CACNA2D3: variants seen among roughly 807,000 people sequenced by gnomAD.
CACNA2D3 encodes the protein voltage-dependent calcium channel subunit alpha-2/delta-3.
A neutral mutation model predicts 160.6 loss-of-function variants in CACNA2D3; 60 were observed. That is an observed-to-expected ratio of 0.37 (90% CI 0.30 to 0.46). The LOEUF (loss-of-function observed/expected upper bound fraction) is 0.46, where lower values mean the gene tolerates loss of function less well. Ranked by LOEUF, CACNA2D3 falls within the 20% of genes least tolerant of loss-of-function variation. CACNA2D3 has a pLI of 1.00. For missense variants in CACNA2D3, 1,205 were observed against 1,365.0 expected (o/e 0.88, Z 1.85); for synonymous variants, 558 against 492.9 (o/e 1.13, Z -1.75).
In CACNA2D3 at chr3:54,383,096, C is replaced by A. The variant is rs751784969; in HGVS notation, c.322-3619C>A. ...GTCCTGGGCTCATACGATCCGCCCC[C>A]CTTGGCCTCCCAAAGTGCTGGGATT... On this transcript the variant is annotated intron_variant, in intron 3 of 37. Coordinates refer to ENST00000474759, the MANE Select transcript of CACNA2D3 (RefSeq NM_018398.3). Among the ~76,000 whole-genome samples the A allele has an allele frequency of 2.0e-5, 3 of 152,166 alleles. No individual in the cohort carries two copies. The East Asian group carries it at 5.8e-4, about 29-fold the overall frequency.
At chr3:55,051,785 A>C (rs1704224228) in intron 35 of CACNA2D3, among the ~76,000 whole-genome samples, 1 of 152,076 alleles carries the variant, frequency 6.6e-6, no homozygotes, top group Admixed American at 6.5e-5. Flanking sequence ...CCTCCGAGCC[A>C]GGTGTGGGAT....
At chr3:54,920,631 A>G (rs9815947) in intron 27 of CACNA2D3, among the ~76,000 whole-genome samples, 94,688 of 152,020 alleles carry the variant, frequency 0.62, 29,723 homozygotes, top group East Asian at 0.77. Flanking sequence ...GCACCTGACC[A>G]TAGGAGCCTC....
At chr3:54,232,829 G>T (rs1210885845) in intron 2 of CACNA2D3, among the ~76,000 whole-genome samples, 1 of 152,170 alleles carries the variant, frequency 6.6e-6, no homozygotes, top group Non-Finnish European at 1.5e-5. Context: ...TGTAAACTGT[G>T]CCCTTATTGT....
At chr3:54,518,255 A>G (rs1701586038) in intron 5 of CACNA2D3, among the ~76,000 whole-genome samples, 6 of 152,080 alleles carry the variant, frequency 3.9e-5, no homozygotes, top group Admixed American at 3.9e-4. Flanking sequence ...AAGTTAGCCA[A>G]CTCCTGTGAG....
At chr3:54,166,828 AC>A (rs1247755408) in intron 2 of CACNA2D3, among the ~76,000 whole-genome samples, 6 of 152,364 alleles carry the variant, frequency 3.9e-5, no homozygotes, top group African/African-American at 1.4e-4. Flanking sequence ...AAGATTGCAG[AC>A]TTCATGGTCT....
At chr3:54,326,757 T>C (rs989348079) in intron 3 of CACNA2D3, among the ~76,000 whole-genome samples, 29 of 152,200 alleles carry the variant, frequency 1.9e-4, no homozygotes, top group African/African-American at 6.5e-4. Context: ...TATATGGCTG[T>C]ATAGATCTAA....
intron 2 of CACNA2D3, among the ~76,000 whole-genome samples, chr3:54,316,501 A>T (rs539792075): frequency 1.1e-4 from 17 of 152,300 alleles, no homozygotes; most frequent in African/African-American, 3.8e-4. Context: ...CTTCCCCAGG[A>T]TGATAAGAAA....
chr3:54,975,581 A>G (rs1351690066), intron 29 of CACNA2D3, among the ~76,000 whole-genome samples: 1 of 150,582 alleles, frequency 6.6e-6, no homozygotes, highest in East Asian at 2.0e-4. Flanking sequence ...ATGGAAGCTT[A>G]GGCATGTTGT....
chr3:55,070,284 G>A (rs1047329853), intron 35 of CACNA2D3, among the ~76,000 whole-genome samples: 6 of 152,154 alleles, frequency 3.9e-5, no homozygotes, highest in Non-Finnish European at 8.8e-5. Flanking sequence ...AGCCTTGTTG[G>A]AATACAATTT....
chr3:54,127,623 T>A (rs763158802), intron 2 of CACNA2D3, among the ~76,000 whole-genome samples: 1 of 152,232 alleles, frequency 6.6e-6, no homozygotes, highest in African/African-American at 2.4e-5. Flanking sequence ...CCATCCTGAA[T>A]GATAAATGCG....
chr3:54,229,600 G>A (rs1047311113), intron 2 of CACNA2D3, among the ~76,000 whole-genome samples: 2 of 152,102 alleles, frequency 1.3e-5, no homozygotes, highest in African/African-American at 4.8e-5. Context: ...CTCCGAAAGC[G>A]CTGGGATTAT....
At chr3:54,318,481 G>C (rs79038189) in intron 2 of CACNA2D3, among the ~76,000 whole-genome samples, 1,800 of 152,180 alleles carry the variant, frequency 0.012, 28 homozygotes, top group South Asian at 0.044. Context: ...GTCAATCTTG[G>C]TCTAGACTCA....
intron 9 of CACNA2D3, among the ~76,000 whole-genome samples, chr3:54,602,726 A>C (rs1703086705): frequency 6.6e-6 from 1 of 152,240 alleles, no homozygotes; most frequent in East Asian, 1.9e-4. Context: ...GACATAATAA[A>C]AGAGTCCTGA....
intron 11 of CACNA2D3, among the ~76,000 whole-genome samples, chr3:54,744,241 G>A (rs951132723): frequency 6.6e-6 from 1 of 152,158 alleles, no homozygotes; most frequent in African/African-American, 2.4e-5. Flanking sequence ...AGTTTGGTGA[G>A]CACATCCACT....
intron 2 of CACNA2D3, among the ~76,000 whole-genome samples, chr3:54,272,366 T>G (rs1404017721): frequency 6.6e-6 from 1 of 152,206 alleles, no homozygotes; most frequent in Non-Finnish European, 1.5e-5. Flanking sequence ...CTGGACCTTC[T>G]GGGCTTGGGG....
At chr3:54,674,424 C>T (rs1700206037) in intron 11 of CACNA2D3, among the ~76,000 whole-genome samples, 1 of 151,978 alleles carries the variant, frequency 6.6e-6, no homozygotes, top group African/African-American at 2.4e-5. Context: ...TAATTGTTGC[C>T]TTAGGAGAGT....
In CACNA2D3 at chr3:54,699,344, G is replaced by A. The variant is rs181967112; in HGVS notation, c.1168-53255G>A. Among the ~76,000 whole-genome samples, 7 of 152,226 alleles carry A rather than the reference G, an allele frequency of 4.6e-5. No homozygotes were observed. The East Asian group carries it at 7.7e-4, about 17-fold the overall frequency. On this transcript the variant is annotated intron_variant, in intron 11 of 37. Transcript: ENST00000474759. ...GAGGGAGGCTCATCTCTCCAGTCCC[G>A]GGCATCTGCTGAGCTCCTTCTTTAA... is the stretch of plus-strand genomic sequence containing the variant.
chr3:54,347,728 C>T (rs974187024), intron 3 of CACNA2D3, among the ~76,000 whole-genome samples: 1 of 151,930 alleles, frequency 6.6e-6, no homozygotes, highest in African/African-American at 2.4e-5. Context: ...TTGCCAGGGA[C>T]CCCATGGATC....
At chr3:54,688,121 T>C (rs17054291) in intron 11 of CACNA2D3, among the ~76,000 whole-genome samples, 38,814 of 152,130 alleles carry the variant, frequency 0.26, 5,323 homozygotes, top group African/African-American at 0.29. Context: ...AGAATCACAC[T>C]GGCCTTTAAA....
Sources: allele counts gnomAD v4.1 joint callset (sites outside exome capture counted in the v4.1 genomes callset), GRCh38; gene constraint gnomAD v4.1.1; transcripts MANE v1.5; gene names NCBI Gene and HGNC (gene_info 2026-07-23, HGNC 2026-07-21).